NALF1: variants seen among roughly 807,000 people sequenced by gnomAD.
The protein encoded by NALF1 is NALCN channel auxiliary factor 1, also known as family with sequence similarity 155 member A.
A neutral mutation model predicts 48.4 loss-of-function variants in NALF1; 3 were observed. That is an observed-to-expected ratio of 0.06 (90% CI 0.03 to 0.16). NALF1 has a LOEUF of 0.16. Ranked by LOEUF, NALF1 falls within the 10% of genes least tolerant of loss-of-function variation. The probability of loss-of-function intolerance (pLI) is 1.00; values close to 1 mark genes in which losing one functional copy is unlikely to be tolerated. For synonymous variants in NALF1, 262 were observed against 245.7 expected (o/e 1.07, Z -0.62); for missense variants, 526 against 571.5 (o/e 0.92, Z 0.81).
At chr13:107,453,162 G>A (rs1884770673) in intron 1 of NALF1, among the ~76,000 whole-genome samples, 1 of 152,150 alleles carries the variant, frequency 6.6e-6, no homozygotes, top group African/African-American at 2.4e-5. Context: ...TATGCAGCAT[G>A]GTGGCCCTCT....
chr13:107,629,564 T>G (rs565531624), intron 1 of NALF1, among the ~76,000 whole-genome samples: 200 of 152,228 alleles, frequency 1.3e-3, no homozygotes, highest in African/African-American at 4.4e-3. Context: ...ACTTGCTTTT[T>G]CGAAAACCGT....
chr13:107,490,040 T>C (rs1462158124), intron 1 of NALF1, among the ~76,000 whole-genome samples: 2 of 152,256 alleles, frequency 1.3e-5, no homozygotes, highest in Non-Finnish European at 2.9e-5. Context: ...TGAGATACCA[T>C]CTTACACCAG....
intron 1 of NALF1, among the ~76,000 whole-genome samples, chr13:107,559,524 G>C (rs189146196): frequency 1.8e-3 from 280 of 152,240 alleles, no homozygotes; most frequent in Non-Finnish European, 3.0e-3. Context: ...GTAAGGAAGG[G>C]AACCAGCTCA....
At chr13:107,643,673 G>A (rs955653071) in intron 1 of NALF1, among the ~76,000 whole-genome samples, 4 of 151,858 alleles carry the variant, frequency 2.6e-5, no homozygotes, top group East Asian at 1.9e-4. Context: ...TTTAGTTTTC[G>A]AGTCTTTACA....
intron 1 of NALF1, among the ~76,000 whole-genome samples, chr13:107,246,026 G>A (rs1880576694): frequency 6.6e-6 from 1 of 152,028 alleles, no homozygotes; most frequent in African/African-American, 2.4e-5. Flanking sequence ...GGCTTCGCAG[G>A]TACCCAAGCG....
chr13:107,364,448 C>T (rs1043043518), intron 1 of NALF1, among the ~76,000 whole-genome samples: 1 of 152,150 alleles, frequency 6.6e-6, no homozygotes, highest in African/African-American at 2.4e-5. Context: ...GCAGTGACAT[C>T]GTCAGCATTG....
intron 1 of NALF1, among the ~76,000 whole-genome samples, chr13:107,664,986 AT>A (rs1240052982): frequency 6.7e-6 from 1 of 149,594 alleles, no homozygotes; most frequent in African/African-American, 2.5e-5. Flanking sequence ...CAAAAAAAAA[AT>A]GTCAAAATTT....
At chr13:107,361,100 G>C (rs573303499) in intron 1 of NALF1, among the ~76,000 whole-genome samples, 1 of 152,264 alleles carries the variant, frequency 6.6e-6, no homozygotes, top group East Asian at 1.9e-4. Context: ...AACAACAATG[G>C]ATCAGCAACC....
intron 1 of NALF1, among the ~76,000 whole-genome samples, chr13:107,779,764 CTT>C (rs375073134): frequency 3.3e-5 from 5 of 152,332 alleles, no homozygotes; most frequent in South Asian, 4.1e-4. Context: ...TTTTACCCCT[CTT>C]GTCTCCACCT....
rs56340741 is a variant in NALF1 at position 107,465,313 on chromosome 13, T to TTA, written c.916-254560_916-254559dup. On this transcript the variant is annotated intron_variant, in intron 1 of 2. Transcript: ENST00000375915. ...ATATACTACGAATCAAACTGTATAA[T>TTA]TATATATATATATATATATATGTCT... is the stretch of plus-strand genomic sequence containing the variant. 3.5e-3 allele frequency among the ~76,000 whole-genome samples: 525 copies of TTA among 149,696 alleles called. 1 individual carries two copies. The highest frequency in any genetic ancestry group is 0.012 in the Admixed American group (175 of 14,922).
At chr13:107,592,581 AATAG>A (rs1183682745) in intron 1 of NALF1, among the ~76,000 whole-genome samples, 3 of 151,914 alleles carry the variant, frequency 2.0e-5, no homozygotes, top group Non-Finnish European at 2.9e-5. Flanking sequence ...CAGAATAAAA[AATAG>A]ATAACTTTAT....
intron 1 of NALF1, among the ~76,000 whole-genome samples, chr13:107,603,439 T>G (rs1878985638): frequency 6.6e-6 from 1 of 152,136 alleles, no homozygotes; most frequent in African/African-American, 2.4e-5. Flanking sequence ...CAATAATGAG[T>G]TATTGTTTTT....
At chr13:107,801,779 G>A (rs552418380) in intron 1 of NALF1, among the ~76,000 whole-genome samples, 46 of 152,190 alleles carry the variant, frequency 3.0e-4, no homozygotes, top group African/African-American at 9.6e-4. Context: ...CTACTCAGTC[G>A]CTCTCTAAAA....
chr13:107,478,770 C>G (rs1306577957), intron 1 of NALF1, among the ~76,000 whole-genome samples: 1 of 151,914 alleles, frequency 6.6e-6, no homozygotes, highest in Non-Finnish European at 1.5e-5. Context: ...AAGAAACAGC[C>G]TTTTTTGATT....
rs115785702 is a variant in NALF1 at position 107,766,858 on chromosome 13, A to G, written c.915+98824T>C. 6.9e-3 allele frequency among the ~76,000 whole-genome samples: 1,053 copies of G among 152,320 alleles called. 12 individuals are homozygous for G. Among genetic ancestry groups the G allele is most frequent in the African/African-American group, 0.024 (996 of 41,572 alleles). On this transcript the variant is annotated intron_variant, in intron 1 of 2. Transcript: ENST00000375915. ...TTTTAATGCCATCTGACCCACAATAAGAAAGCTACAGAAGTAAAACCAATT... is the reference window on the plus strand; with the variant it reads ...TTTTAATGCCATCTGACCCACAATAGGAAAGCTACAGAAGTAAAACCAATT...
rs751008814 is a variant in NALF1, at chr13:107,519,122, G to C, written c.916-308367C>G. Among the ~76,000 whole-genome samples, 11 of 23,946 alleles carry C rather than the reference G, an allele frequency of 4.6e-4. No individual in the cohort carries two copies. The South Asian group carries it at 0.026, about 57-fold the overall frequency. The allele number at this position is 23,946 out of a possible 152,430, so 15.7% of individuals were successfully genotyped here. ...TAGCTGATAAAAATCACTAAGGAAT[G>C]ACTTGTGATATGTGTTTACAATCAG... On this transcript the variant is annotated intron_variant, in intron 1 of 2. Coordinates refer to ENST00000375915, the MANE Select transcript of NALF1 (RefSeq NM_001080396.3).
intron 1 of NALF1, among the ~76,000 whole-genome samples, chr13:107,247,948 A>G (rs757271609): frequency 6.6e-6 from 1 of 152,158 alleles, no homozygotes; most frequent in Non-Finnish European, 1.5e-5. Context: ...TTAGCGCATT[A>G]TGGTGGCTTA....
chr13:107,555,439 A>ATTTTTTTTT (rs34486058), intron 1 of NALF1, among the ~76,000 whole-genome samples: 27 of 69,964 alleles, frequency 3.9e-4, no homozygotes, highest in African/African-American at 1.0e-3. Context: ...AGCCTGGCTA[A>ATTTTTTTTT]TTTTTTTTTT....
intron 1 of NALF1, among the ~76,000 whole-genome samples, chr13:107,703,421 G>A (rs9520557): frequency 0.76 from 111,204 of 147,242 alleles, 43,175 homozygotes; most frequent in Non-Finnish European, 0.85. Flanking sequence ...GAGTGCAATG[G>A]CACGACCTCC....
Sources: allele counts gnomAD v4.1 joint callset (sites outside exome capture counted in the v4.1 genomes callset), GRCh38; gene constraint gnomAD v4.1.1; transcripts MANE v1.5; gene names NCBI Gene and HGNC (gene_info 2026-07-23, HGNC 2026-07-21).